The following CAMTA1 variants were observed in gnomAD, a reference collection of about 807,000 sequenced individuals.
CAMTA1 encodes calmodulin-binding transcription activator 1.
Under a neutral mutation model 170.9 loss-of-function variants are expected in CAMTA1, and 27 were observed. That is an observed-to-expected ratio of 0.16 (90% CI 0.12 to 0.22). The LOEUF (loss-of-function observed/expected upper bound fraction) is 0.22, where lower values mean the gene tolerates loss of function less well. CAMTA1 is among the 10% of genes least tolerant of loss of function. The pLI, the probability that CAMTA1 is intolerant of heterozygous loss-of-function variation, is 1.00. For missense variants in CAMTA1, 1,619 were observed against 2,217.2 expected (o/e 0.73, Z 5.42); for synonymous variants, 833 against 891.5 (o/e 0.93, Z 1.17).
chr1:6,832,949 A>G (rs910083510), intron 3 of CAMTA1, among the ~76,000 whole-genome samples: 1 of 152,190 alleles, frequency 6.6e-6, no homozygotes. Flanking sequence ...GTGAAGTGAG[A>G]TACATGATAC....
intron 3 of CAMTA1, among the ~76,000 whole-genome samples, chr1:7,040,608 A>G (rs1704289973): frequency 1.3e-5 from 2 of 152,124 alleles, no homozygotes; most frequent in Non-Finnish European, 2.9e-5. Flanking sequence ...ACCCGTAAGC[A>G]GGGAGTCAGG....
chr1:7,744,192 C>T lies in CAMTA1; in HGVS notation c.4183-643C>T, dbSNP rs1445634681. ...TGTCGCCCAGGCTGGAGTGCAGTGG[C>T]GCGATCTTGGTTCACTGCAACCTCC... On this transcript the variant is annotated intron_variant, in intron 16 of 22. Coordinates refer to ENST00000303635, the MANE Select transcript of CAMTA1 (RefSeq NM_015215.4). Among the ~76,000 whole-genome samples the T allele has an allele frequency of 1.1e-4, 15 of 141,100 alleles. 1 individual carries two copies. The Admixed American group carries it at 1.2e-3, about 11-fold the overall frequency. 92.6% of individuals were successfully genotyped at this position (141,100 alleles called of 152,430 possible).
chr1:7,662,697 A>G (rs2095971029), intron 8 of CAMTA1, among the ~76,000 whole-genome samples: 1 of 152,184 alleles, frequency 6.6e-6, no homozygotes, highest in African/African-American at 2.4e-5. Flanking sequence ...GTCCCTACTT[A>G]GGACCTAGAA....
chr1:7,492,668 A>AAC (rs70984088), intron 6 of CAMTA1, among the ~76,000 whole-genome samples: 4,180 of 54,856 alleles, frequency 0.076, 137 homozygotes, highest in African/African-American at 0.26. Flanking sequence ...CAAACATACG[A>AAC]ACACACACAC....
chr1:7,503,748 G>C (rs773937647), intron 6 of CAMTA1, among the ~76,000 whole-genome samples: 6 of 152,170 alleles, frequency 3.9e-5, no homozygotes, highest in Admixed American at 3.9e-4. Context: ...CTCGGGAGGT[G>C]GGGGGAGCCT....
chr1:7,103,903 T>G lies in CAMTA1; in HGVS notation c.302+12532T>G, dbSNP rs1012320096. 2.3e-5 allele frequency among the ~76,000 whole-genome samples: 3 copies of G among 128,314 alleles called. No individual in the cohort carries two copies. The Admixed American group carries it at 2.4e-4, about 10-fold the overall frequency. The allele number at this position is 128,314 out of a possible 152,430, so 84.2% of individuals were successfully genotyped here. ...CACACATGTACACACAACACACAAC[T>G]ACACGCGCACTCACACATACACACA... On this transcript the variant is annotated intron_variant, in intron 4 of 22. Coordinates refer to ENST00000303635, the MANE Select transcript of CAMTA1 (RefSeq NM_015215.4).
chr1:7,513,482 C>T lies in CAMTA1; in HGVS notation c.510+45581C>T, dbSNP rs1462170148. Among the ~76,000 whole-genome samples the T allele has an allele frequency of 2.6e-5, 4 of 152,244 alleles. No individual in the cohort carries two copies. The East Asian group carries it at 7.7e-4, about 29-fold the overall frequency. On this transcript the variant is annotated intron_variant, in intron 6 of 22. Transcript: ENST00000303635. The stretch of plus-strand genomic sequence containing the variant: ...TCCAAGATCAAGGGGTCGGTTCCTT[C>T]CGAGGCTGGAAGAGAGGGTCTGTCC...
chr1:7,149,383 C>G (rs1295756531), intron 4 of CAMTA1, among the ~76,000 whole-genome samples: 1 of 152,186 alleles, frequency 6.6e-6, no homozygotes, highest in Non-Finnish European at 1.5e-5. Context: ...ACGCAAGGGA[C>G]TTTGCTCATT....
At chr1:7,529,443 C>T (rs564673973) in intron 6 of CAMTA1, among the ~76,000 whole-genome samples, 25 of 152,290 alleles carry the variant, frequency 1.6e-4, no homozygotes, top group Non-Finnish European at 2.8e-4. Flanking sequence ...AGTACCCGCT[C>T]GCTGAGCCCC....
At chr1:6,795,990 A>G (rs959230593) in intron 1 of CAMTA1, among the ~76,000 whole-genome samples, 1 of 152,224 alleles carries the variant, frequency 6.6e-6, no homozygotes, top group Non-Finnish European at 1.5e-5. Context: ...CTGGCTAAAC[A>G]GATTGAAACC....
intron 5 of CAMTA1, among the ~76,000 whole-genome samples, chr1:7,458,000 C>T (rs755237315): frequency 5.4e-5 from 8 of 149,122 alleles, no homozygotes; most frequent in Non-Finnish European, 7.4e-5. Context: ...GGGGCGCCCA[C>T]GTGTCCTGCG....
At chr1:7,201,205 A>G (rs1558239939) in intron 4 of CAMTA1, among the ~76,000 whole-genome samples, 1 of 152,210 alleles carries the variant, frequency 6.6e-6, no homozygotes, top group Non-Finnish European at 1.5e-5. Flanking sequence ...TTTAAGGTTC[A>G]TCCACATTGT....
chr1:7,669,666 T>C (rs902084594), intron 9 of CAMTA1, among the ~76,000 whole-genome samples: 1 of 152,228 alleles, frequency 6.6e-6, no homozygotes, highest in African/African-American at 2.4e-5. Context: ...CTCTCCGCCC[T>C]GACCTAGCAG....
At chr1:6,889,543 G>T (rs995688827) in intron 3 of CAMTA1, among the ~76,000 whole-genome samples, 1 of 152,216 alleles carries the variant, frequency 6.6e-6, no homozygotes, top group Non-Finnish European at 1.5e-5. Flanking sequence ...GTGCGCACTC[G>T]TCAGTGTCTG....
chr1:6,858,551 G>A (rs997376199), intron 3 of CAMTA1, among the ~76,000 whole-genome samples: 2 of 151,498 alleles, frequency 1.3e-5, no homozygotes, highest in African/African-American at 4.9e-5. Context: ...CATTATACTG[G>A]TGTGGTTATA....
rs1310013869 is a variant in CAMTA1 at position 7,007,490 on chromosome 1, C to G, written c.235-83814C>G. On this transcript the variant is annotated intron_variant, in intron 3 of 22. Transcript: ENST00000303635. The surrounding 1 kb of genome is among the most constrained non-coding windows in gnomAD (Gnocchi z 4.5). ...CTCGAGAACCCCAAGCGAATTCCCA[C>G]TTCCCACAGGAAGTAGTTCAGACCC... Among the ~76,000 whole-genome samples, 2 of 152,190 alleles carry G rather than the reference C, an allele frequency of 1.3e-5. No homozygotes were observed. Among genetic ancestry groups the G allele is most frequent in the African/African-American group, 4.8e-5 (2 of 41,446 alleles).
intron 6 of CAMTA1, among the ~76,000 whole-genome samples, chr1:7,535,717 C>T (rs2094541550): frequency 6.6e-6 from 1 of 152,152 alleles, no homozygotes. Flanking sequence ...TAGACAGCCA[C>T]CTAGTATTGT....
intron 4 of CAMTA1, among the ~76,000 whole-genome samples, chr1:7,202,793 G>C (rs945508860): frequency 6.6e-6 from 1 of 151,960 alleles, no homozygotes. Context: ...GATTCCTCAC[G>C]ATTTTCTAAA....
intron 5 of CAMTA1, among the ~76,000 whole-genome samples, chr1:7,334,073 A>G (rs1448745335): frequency 6.6e-6 from 1 of 152,204 alleles, no homozygotes; most frequent in Non-Finnish European, 1.5e-5. Flanking sequence ...ATCCCTGAGA[A>G]TTTACAGAAT....
Sources: gnomAD v4.1 joint callset for allele counts (sites outside exome capture counted in the v4.1 genomes callset) on GRCh38, gnomAD v4.1.1 for gene constraint, Gnocchi (gnomAD v3.1) non-coding constraint, MANE v1.5 for transcripts, NCBI Gene and HGNC (gene_info 2026-07-23, HGNC 2026-07-21) for gene names.